EPHB1: variants seen among roughly 807,000 people sequenced by gnomAD.
EPHB1 encodes ephrin type-B receptor 1.
Under a neutral mutation model 94.4 loss-of-function variants are expected in EPHB1, and 30 were observed. The observed-to-expected ratio is 0.32, with a 90% confidence interval of 0.24 to 0.43. The LOEUF (loss-of-function observed/expected upper bound fraction) is 0.43. Ranked by LOEUF, EPHB1 falls within the 20% of genes least tolerant of loss-of-function variation. EPHB1 has a pLI of 1.00. For missense variants in EPHB1, 1,055 were observed against 1,308.3 expected (o/e 0.81, Z 2.99); for synonymous variants, 522 against 489.1 (o/e 1.07, Z -0.89).
At chr3:135,177,384 C>T (rs144888750) in intron 9 of EPHB1, among the ~76,000 whole-genome samples, 2 of 152,310 alleles carry the variant, frequency 1.3e-5, no homozygotes, top group East Asian at 3.9e-4. Flanking sequence ...AGCTGGCTTC[C>T]ACCTGTGGCA....
chr3:134,834,132 GT>G (rs1301863379), intron 1 of EPHB1, among the ~76,000 whole-genome samples: 3 of 152,126 alleles, frequency 2.0e-5, no homozygotes, highest in African/African-American at 7.2e-5. Context: ...AGATGAGAAG[GT>G]CCAGGGACCA....
chr3:134,979,660 T>C (rs1934332109), intron 3 of EPHB1, among the ~76,000 whole-genome samples: 1 of 152,208 alleles, frequency 6.6e-6, no homozygotes, highest in East Asian at 1.9e-4. Flanking sequence ...AAGTAATATG[T>C]ATTTGTGTAG....
intron 1 of EPHB1, among the ~76,000 whole-genome samples, chr3:134,910,331 C>G (rs1228567779): frequency 6.6e-6 from 1 of 152,150 alleles, no homozygotes. Flanking sequence ...GTTTGCCCCC[C>G]ACTGTGGAAA....
intron 5 of EPHB1, among the ~76,000 whole-genome samples, chr3:135,139,766 C>T (rs1336770446): frequency 6.6e-6 from 1 of 152,186 alleles, no homozygotes. Context: ...GATGGAACCA[C>T]GTGTCGTTGC....
Position 134,951,087 on chromosome 3 carries a change from A to G in EPHB1, c.124-284A>G, listed in dbSNP as rs571206202. On this transcript the variant is annotated intron_variant, in intron 2 of 15. Transcript: ENST00000398015. This position sits in a 1 kb window ranked among gnomAD's most constrained non-coding sequence, Gnocchi z 4.5. ...GCTGCATGTTGTCCCCATGGATGTA[A>G]TAAGCTAGTCACAGAATGAGCATTA... is the stretch of plus-strand genomic sequence containing the variant. 6.6e-6 allele frequency among the ~76,000 whole-genome samples: 1 copy of G among 152,342 alleles called. No individual in the cohort carries two copies. The highest frequency in any genetic ancestry group is 2.4e-5 in the African/African-American group (1 of 41,582).
Position 135,010,654 on chromosome 3 carries a change from C to T in EPHB1, c.805+58602C>T, listed in dbSNP as rs540978005. On this transcript the variant is annotated intron_variant, in intron 3 of 15. Coordinates refer to ENST00000398015, the MANE Select transcript of EPHB1 (RefSeq NM_004441.5). Reference sequence around the variant, plus strand: ...TCTTGGCTCACTGCAACCTCTGACTCCCAGGTTCAAGCGATTCTCCTGCCT... The same window carrying T: ...TCTTGGCTCACTGCAACCTCTGACTTCCAGGTTCAAGCGATTCTCCTGCCT... 3.3e-5 allele frequency among the ~76,000 whole-genome samples: 5 copies of T among 150,860 alleles called. No homozygotes were observed. The East Asian group carries it at 9.8e-4, about 30-fold the overall frequency.
At chr3:135,232,972 G>A (rs528795253) in intron 12 of EPHB1, among the ~76,000 whole-genome samples, 6 of 152,282 alleles carry the variant, frequency 3.9e-5, no homozygotes, top group African/African-American at 1.4e-4. Flanking sequence ...CTCCCACTGG[G>A]TCTCTATTAC....
intron 15 of EPHB1, among the ~76,000 whole-genome samples, chr3:135,257,494 C>T (rs967797175): frequency 1.3e-5 from 2 of 152,064 alleles, no homozygotes; most frequent in Non-Finnish European, 2.9e-5. Flanking sequence ...TGTCAGTGTG[C>T]CCCTGCTGGG....
At chr3:134,931,304 C>G (rs1184672303) in intron 2 of EPHB1, among the ~76,000 whole-genome samples, 1 of 152,214 alleles carries the variant, frequency 6.6e-6, no homozygotes, top group Admixed American at 6.5e-5. Flanking sequence ...CAAACCTAGT[C>G]CCTCTGATCA....
intron 1 of EPHB1, among the ~76,000 whole-genome samples, chr3:134,853,464 A>G (rs2037036540): frequency 6.6e-6 from 1 of 152,234 alleles, no homozygotes; most frequent in Non-Finnish European, 1.5e-5. Context: ...GAAGAAGGAG[A>G]GAGAGAGTTA....
chr3:134,945,482 A>T (rs1007816364), intron 2 of EPHB1, among the ~76,000 whole-genome samples: 17 of 152,206 alleles, frequency 1.1e-4, no homozygotes, highest in Non-Finnish European at 1.8e-4. Flanking sequence ...TACAATTTTT[A>T]AAATGATTTA....
chr3:135,054,036 T>TACACAC lies in EPHB1; in HGVS notation c.806-52411_806-52410insCACACA, dbSNP rs1302391868. Among the ~76,000 whole-genome samples, 179 of 105,730 alleles carry TACACAC rather than the reference T, an allele frequency of 1.7e-3. 4 individuals are homozygous for TACACAC. In the East Asian group the frequency reaches 0.022, roughly 13 times the overall value. 69.4% of individuals were successfully genotyped at this position (105,730 alleles called of 152,430 possible). On this transcript the variant is annotated intron_variant, in intron 3 of 15. Transcript: ENST00000398015. ...ATATGTGTGTCTGCATATATATATA[T>TACACAC]ATATACACACACACACACACACACA...
chr3:135,088,626 A>G (rs1352776567), intron 3 of EPHB1, among the ~76,000 whole-genome samples: 1 of 152,190 alleles, frequency 6.6e-6, no homozygotes, highest in Non-Finnish European at 1.5e-5. Context: ...AGTTCCAACC[A>G]TCATGTCTAC....
chr3:135,048,224 C>CTTTTTTTT (rs71157318), intron 3 of EPHB1, among the ~76,000 whole-genome samples: 2 of 109,010 alleles, frequency 1.8e-5, no homozygotes, highest in African/African-American at 7.0e-5. Flanking sequence ...AAAAAATACT[C>CTTTTTTTT]TTTTTTTTTT....
At chr3:135,007,539 A>T (rs1248999628) in intron 3 of EPHB1, among the ~76,000 whole-genome samples, 2 of 152,184 alleles carry the variant, frequency 1.3e-5, no homozygotes, top group African/African-American at 4.8e-5. Context: ...TTTGGAAGGG[A>T]TGTCCTTAAT....
At chr3:134,965,645 T>A (rs772097521) in intron 3 of EPHB1, among the ~76,000 whole-genome samples, 23 of 152,282 alleles carry the variant, frequency 1.5e-4, no homozygotes, top group Non-Finnish European at 3.1e-4. Flanking sequence ...ATTTTTTCAG[T>A]CATTTTCTCT....
intron 1 of EPHB1, among the ~76,000 whole-genome samples, chr3:134,835,368 C>T (rs1056664585): frequency 1.3e-5 from 2 of 152,192 alleles, no homozygotes; most frequent in East Asian, 3.8e-4. Flanking sequence ...TTCCAGCCCA[C>T]GTGATTGCTA....
intron 3 of EPHB1, among the ~76,000 whole-genome samples, chr3:135,095,853 G>T (rs1938739707): frequency 1.3e-5 from 2 of 152,126 alleles, no homozygotes; most frequent in Admixed American, 1.3e-4. Context: ...TGTTATAGGG[G>T]GCTTATATCT....
chr3:135,235,143 T>G (rs1244913111), intron 12 of EPHB1, among the ~76,000 whole-genome samples: 2 of 152,214 alleles, frequency 1.3e-5, no homozygotes, highest in African/African-American at 4.8e-5. Context: ...TGCCCGAGCA[T>G]TGATGATTTG....
Sources: gnomAD v4.1 joint callset for allele counts (sites outside exome capture counted in the v4.1 genomes callset) on GRCh38, gnomAD v4.1.1 for gene constraint, Gnocchi (gnomAD v3.1) non-coding constraint, MANE v1.5 for transcripts, NCBI Gene and HGNC (gene_info 2026-07-23, HGNC 2026-07-21) for gene names.